SLC15A4: variants seen among roughly 807,000 people sequenced by gnomAD.
SLC15A4 encodes the protein solute carrier family 15 member 4.
SLC15A4 carries 26 observed loss-of-function variants against 46.1 expected under a neutral mutation model. The observed-to-expected ratio is 0.56, with a 90% CI of 0.41 to 0.78. The LOEUF is 0.78. SLC15A4 is among the 30% of genes least tolerant of loss of function. The pLI is 0.00. For synonymous variants in SLC15A4, 370 were observed against 333.4 expected (o/e 1.11, Z -1.20); for missense variants, 751 against 755.7 (o/e 0.99, Z 0.07).
intron 1 of SLC15A4, among the ~76,000 whole-genome samples, chr12:128,821,471 T>C (rs1955836422): frequency 1.3e-5 from 2 of 152,274 alleles, no homozygotes; most frequent in Non-Finnish European, 2.9e-5. Flanking sequence ...AGCCCCAGTG[T>C]AGTGGCTGTG....
At chr12:128,797,706 C>T (rs1166753331) in intron 7 of SLC15A4, among the ~76,000 whole-genome samples, 2 of 152,194 alleles carry the variant, frequency 1.3e-5, no homozygotes, top group South Asian at 2.1e-4. Flanking sequence ...CGGAACCTGG[C>T]CTGAGAGCTG....
chr12:128,807,850 A>G (rs1955608652), intron 5 of SLC15A4, among the ~76,000 whole-genome samples: 1 of 152,258 alleles, frequency 6.6e-6, no homozygotes, highest in Non-Finnish European at 1.5e-5. Flanking sequence ...TCTCTAGAAC[A>G]GAGATTTCTT....
chr12:128,802,835 C>T (rs542510448), intron 5 of SLC15A4, among the ~76,000 whole-genome samples: 1 of 152,126 alleles, frequency 6.6e-6, no homozygotes, highest in African/African-American at 2.4e-5. Context: ...AATAAATAGG[C>T]CTGATTATTG....
chr12:128,794,602 C>T (rs541453370), intron 7 of SLC15A4, among the ~76,000 whole-genome samples: 2 of 152,208 alleles, frequency 1.3e-5, no homozygotes, highest in South Asian at 2.1e-4. Flanking sequence ...CCCACCTGCC[C>T]CTAGCAGCCC....
rs758933415 is a variant in SLC15A4, at chr12:128,823,851, C to G, written c.93G>C (p.Ala31=). The G allele has an allele frequency of 8.7e-6, 11 of 1,268,028 alleles. No individual in the cohort carries two copies. The South Asian group carries it at 2.2e-4, about 26-fold the overall frequency. 78.5% of individuals were successfully genotyped at this position (1,268,028 alleles called of 1,614,324 possible). A position where few individuals can be genotyped will look rare whatever the true frequency, so the allele number is the denominator to read the frequency against. The change falls in exon 1 of 8, where the codon GCG becomes GCC. Residue 31 remains alanine, a synonymous_variant. Transcript: ENST00000266771. ...AAAAAAAGAF[A]GRRAACGAVL... The stretch of plus-strand genomic sequence containing the variant: ...CGGCCCCGCACGCCGCGCGCCGGCC[C>G]GCGAACGCCCCAGCCGCCGCCGCGG...
chr12:128,806,470 C>T (rs1955591199), intron 5 of SLC15A4, among the ~76,000 whole-genome samples: 1 of 151,932 alleles, frequency 6.6e-6, no homozygotes, highest in Admixed American at 6.6e-5. Flanking sequence ...AGTTTCTTTC[C>T]CATTAAAATT....
At chr12:128,797,561 C>G (rs1411006590) in intron 7 of SLC15A4, among the ~76,000 whole-genome samples, 1 of 152,154 alleles carries the variant, frequency 6.6e-6, no homozygotes, top group African/African-American at 2.4e-5. Context: ...GCTGGGAGGT[C>G]GGTAAGAAAA....
At chr12:128,803,330 GA>G (rs1216852889) in intron 5 of SLC15A4, among the ~76,000 whole-genome samples, 2 of 152,254 alleles carry the variant, frequency 1.3e-5, no homozygotes, top group Non-Finnish European at 2.9e-5. Flanking sequence ...GAGAGAAAAA[GA>G]ATCAAAAACC....
At position 128,795,365 on chromosome 12, in the gene SLC15A4, G is replaced by C. The variant is rs192061045; in HGVS notation, c.1574-1009C>G. ...CACTGAATACCCAACCGAGTCCCGG[G>C]CACTATGGAGGCACTTTACACGCAA... On this transcript the variant is annotated intron_variant, in intron 7 of 7. Coordinates refer to ENST00000266771, the MANE Select transcript of SLC15A4 (RefSeq NM_145648.4). Among the ~76,000 whole-genome samples the C allele has an allele frequency of 3.2e-3, 483 of 152,278 alleles. 1 individual carries two copies. Among genetic ancestry groups the C allele is most frequent in the Non-Finnish European group, 3.1e-3 (208 of 68,032 alleles).
intron 5 of SLC15A4, among the ~76,000 whole-genome samples, chr12:128,804,767 G>A (rs1183487281): frequency 6.6e-6 from 1 of 152,148 alleles, no homozygotes; most frequent in Non-Finnish European, 1.5e-5. Flanking sequence ...TCTCAGAGAG[G>A]TAATGGACTC....
intron 5 of SLC15A4, among the ~76,000 whole-genome samples, chr12:128,806,254 T>C (rs1417840519): frequency 6.6e-6 from 1 of 151,916 alleles, no homozygotes; most frequent in Non-Finnish European, 1.5e-5. Context: ...TTACATTCTA[T>C]GGGGATCCAG....
At position 128,794,129 on chromosome 12, in the gene SLC15A4, G is replaced by T; in HGVS notation, c.*67C>A. ...TTTATGGGAATTTAAAGTCTTGCCT[G>T]TTCTCAGTGCACCCCAGTCAGTTAC... On this transcript the variant is annotated 3_prime_UTR_variant, in exon 8 of 8. Transcript: ENST00000266771. 1 of 1,421,376 alleles carries T rather than the reference G, an allele frequency of 7.0e-7. No individual in the cohort carries two copies. Among genetic ancestry groups the T allele is most frequent in the Non-Finnish European group, 9.6e-7 (1 of 1,040,152 alleles). The allele number at this position is 1,421,376 out of a possible 1,614,324, so 88.0% of individuals were successfully genotyped here.
At chr12:128,808,049 A>C (rs959988) in intron 5 of SLC15A4, among the ~76,000 whole-genome samples, 105,569 of 152,126 alleles carry the variant, frequency 0.69, 37,174 homozygotes, top group East Asian at 0.77. Context: ...ATCAACTTTT[A>C]TTATTATGTA....
intron 5 of SLC15A4, among the ~76,000 whole-genome samples, chr12:128,806,647 C>A (rs1207749825): frequency 6.6e-6 from 1 of 152,204 alleles, no homozygotes; most frequent in Non-Finnish European, 1.5e-5. Flanking sequence ...CTCTTCCCAA[C>A]TACTGGCGGG....
chr12:128,795,975 T>C (rs1353980615), intron 7 of SLC15A4, among the ~76,000 whole-genome samples: 1 of 152,220 alleles, frequency 6.6e-6, no homozygotes, highest in Non-Finnish European at 1.5e-5. Context: ...CATTTTCTGC[T>C]CCTCTTCAAA....
chr12:128,810,112 C>T lies in SLC15A4; in HGVS notation c.843-1G>A, dbSNP rs1224618296. ...TTGCTGAAAGACTCCAATGCCTTCA[C>T]TTTGGGAAATAAAATGAAGGAATTA... is the stretch of plus-strand genomic sequence containing the variant. On this transcript the variant is annotated splice_acceptor_variant, in intron 2 of 7. Coordinates refer to ENST00000266771, the MANE Select transcript of SLC15A4 (RefSeq NM_145648.4). LOFTEE classifies it high-confidence loss of function. The T allele has an allele frequency of 1.2e-6, 2 of 1,609,060 alleles. No individual in the cohort carries two copies. Among genetic ancestry groups the T allele is most frequent in the Non-Finnish European group, 1.7e-6 (2 of 1,178,220 alleles).
intron 1 of SLC15A4, among the ~76,000 whole-genome samples, chr12:128,822,840 T>C (rs1488142159): frequency 4.0e-5 from 6 of 151,732 alleles, no homozygotes; most frequent in Admixed American, 2.0e-4. Context: ...TCAGCGTATT[T>C]TTTAAATTTT....
At chr12:128,799,162 C>A in intron 7 of SLC15A4, 97 bp downstream of exon 7, 2 of 1,381,692 alleles carry the variant, frequency 1.4e-6, no homozygotes, top group South Asian at 1.3e-5. Flanking sequence ...GACAGGCCAT[C>A]CACGTGAAAA....
intron 1 of SLC15A4, among the ~76,000 whole-genome samples, chr12:128,817,307 C>T (rs1011034623): frequency 2.0e-5 from 3 of 152,146 alleles, no homozygotes; most frequent in Non-Finnish European, 4.4e-5. Context: ...AATTCTCATG[C>T]TATACTAGAC....
Sources: gnomAD v4.1 joint callset for allele counts (sites outside exome capture counted in the v4.1 genomes callset) on GRCh38, gnomAD v4.1.1 for gene constraint, MANE v1.5 for transcripts, NCBI Gene and HGNC (gene_info 2026-07-23, HGNC 2026-07-21) for gene names.